Variants in SEL1L3 observed in about 807,000 individuals in gnomAD.
SEL1L3 encodes the protein SEL1L family member 3, also known as protein sel-1 homolog 3.
A neutral mutation model predicts 142.8 loss-of-function variants in SEL1L3; 76 were observed. The ratio of observed to expected loss-of-function variants is 0.53; its 90% confidence interval spans 0.44 to 0.64. The LOEUF (loss-of-function observed/expected upper bound fraction) is 0.64. Ranked by LOEUF, SEL1L3 falls within the 30% of genes least tolerant of loss-of-function variation. The pLI is 0.00. For missense variants in SEL1L3, 1,262 were observed against 1,381.7 expected, an observed-to-expected ratio of 0.91 and a Z score of 1.37; for synonymous variants, 504 against 519.6, an observed-to-expected ratio of 0.97 and a Z score of 0.41.
At chr4:25,724,753 AAAAAAAAAAAAAAAAAAAG>A in the SEL1L3 span, among the ~76,000 whole-genome samples, 67 of 107,576 alleles carry the variant, frequency 6.2e-4, 3 homozygotes, top group Admixed American at 9.9e-4. Flanking sequence ...AAAAAAAAAA[AAAAAAAAAAAAAAAAAAAG>A]GAAAAGAAAT....
intron 19 of SEL1L3, among the ~76,000 whole-genome samples, chr4:25,766,900 C>T (rs1348126499): frequency 1.3e-5 from 2 of 152,138 alleles, no homozygotes; most frequent in African/African-American, 2.4e-5. Context: ...GAGGCCAGTC[C>T]CCCACCATGC....
At chr4:25,728,877 A>T in the SEL1L3 span, among the ~76,000 whole-genome samples, 1 of 149,852 alleles carries the variant, frequency 6.7e-6, no homozygotes. Flanking sequence ...AAAAAAAAAA[A>T]AGAAAAGTAA....
intron 23 of SEL1L3, chr4:25,756,424 T>A: frequency 1.4e-5 from 14 of 985,170 alleles, no homozygotes; most frequent in Non-Finnish European, 1.6e-5. Flanking sequence ...ATATGCCAGA[T>A]AAATATAACA....
intron 11 of SEL1L3, among the ~76,000 whole-genome samples, chr4:25,798,957 C>T (rs2109212812): frequency 6.6e-6 from 1 of 152,338 alleles, no homozygotes; most frequent in East Asian, 1.9e-4. Flanking sequence ...CCGGAAGTTC[C>T]TAATGAAGGT....
the SEL1L3 span, among the ~76,000 whole-genome samples, chr4:25,726,543 A>C: frequency 6.6e-6 from 1 of 151,164 alleles, no homozygotes; most frequent in Admixed American, 6.6e-5. Flanking sequence ...AAAAAAAAAA[A>C]AACCCAAAAA....
chr4:25,824,472 A>G (rs1000175619), intron 6 of SEL1L3, among the ~76,000 whole-genome samples: 2 of 152,206 alleles, frequency 1.3e-5, no homozygotes, highest in African/African-American at 4.8e-5. Context: ...AGATGAAATA[A>G]ACTAATATGT....
chr4:25,848,601 A>G (rs1431910623), intron 1 of SEL1L3, among the ~76,000 whole-genome samples: 3 of 152,262 alleles, frequency 2.0e-5, no homozygotes, highest in African/African-American at 7.2e-5. Flanking sequence ...GAGCTCTCCT[A>G]AATATGACTT....
At chr4:25,855,010 C>T (rs1387522822) in intron 1 of SEL1L3, among the ~76,000 whole-genome samples, 1 of 152,224 alleles carries the variant, frequency 6.6e-6, no homozygotes, top group Non-Finnish European at 1.5e-5. Flanking sequence ...AGAACATGGT[C>T]TAAACCCTTC....
downstream of SEL1L3, among the ~76,000 whole-genome samples, chr4:25,744,348 C>CT (rs35155388): frequency 6.3e-3 from 643 of 101,424 alleles, 35 homozygotes; most frequent in African/African-American, 0.011. Context: ...ATGTGTGAGT[C>CT]TTTTTTTTTT....
chr4:25,794,136 G>A (rs2109200407), intron 11 of SEL1L3, among the ~76,000 whole-genome samples: 1 of 152,274 alleles, frequency 6.6e-6, no homozygotes, highest in Non-Finnish European at 1.5e-5. Flanking sequence ...ATGTGAAAAT[G>A]TCAAAAGCAA....
intron 1 of SEL1L3, among the ~76,000 whole-genome samples, chr4:25,857,435 T>C (rs986712315): frequency 4.6e-5 from 7 of 152,218 alleles, no homozygotes; most frequent in African/African-American, 1.7e-4. Context: ...CTTATTTCAT[T>C]GAGTACCTAC....
chr4:25,715,597 G>C, the SEL1L3 span, among the ~76,000 whole-genome samples: 1 of 151,978 alleles, frequency 6.6e-6, no homozygotes, highest in Non-Finnish European at 1.5e-5. Context: ...CTACACACGC[G>C]TGTGCCATGA....
At chr4:25,809,914 G>A (rs1713902745) in intron 9 of SEL1L3, among the ~76,000 whole-genome samples, 1 of 152,080 alleles carries the variant, frequency 6.6e-6, no homozygotes, top group South Asian at 2.1e-4. Flanking sequence ...AATAAACATC[G>A]CAATTGTTGG....
At chr4:25,757,662 TGG>T in intron 22 of SEL1L3, 24 bp downstream of exon 22, 1 of 1,566,956 alleles carries the variant, frequency 6.4e-7, no homozygotes, top group Non-Finnish European at 8.7e-7. Flanking sequence ...GCCACAAGGG[TGG>T]GGCCGGTGGG....
intron 6 of SEL1L3, among the ~76,000 whole-genome samples, chr4:25,824,376 C>T (rs1714961642): frequency 6.6e-6 from 1 of 152,206 alleles, no homozygotes; most frequent in Admixed American, 6.5e-5. Flanking sequence ...CACCGCCTCA[C>T]TGCCTAGAGC....
chr4:25,768,740 G>T (rs1718941913), intron 17 of SEL1L3, among the ~76,000 whole-genome samples: 1 of 151,988 alleles, frequency 6.6e-6, no homozygotes, highest in African/African-American at 2.4e-5. Flanking sequence ...TTTCAGATGT[G>T]GCCATTAAAA....
At chr4:25,740,909 C>A in the SEL1L3 span, among the ~76,000 whole-genome samples, 119 of 147,836 alleles carry the variant, frequency 8.0e-4, no homozygotes, top group Non-Finnish European at 1.5e-3. Flanking sequence ...CTCAGCCTCC[C>A]AAATATCTGA....
In SEL1L3 at chr4:25,758,945, C is replaced by T. The variant is rs200213966; in HGVS notation, c.3079G>A (p.Glu1027Lys). 76 of 1,613,436 alleles carry T rather than the reference C, an allele frequency of 4.7e-5. No individual in the cohort carries two copies. The East Asian group carries it at 6.7e-4, about 14-fold the overall frequency. Reference protein sequence around the residue: ...NNISILQELYERCWSHSNEES... With the variant: ...NNISILQELYKRCWSHSNEES... ...TTCTAGAGGCTCTGAGCTCACCTTTCGTACAGTTCCTGGAGAATGGAGATG... is the reference window on the plus strand; with the variant it reads ...TTCTAGAGGCTCTGAGCTCACCTTTTGTACAGTTCCTGGAGAATGGAGATG... Residue 1027 changes from glutamate to lysine, a missense_variant, in exon 21 of 24, where the codon GAA becomes AAA. By Grantham distance (56) the Glu-to-Lys change is moderately conservative. Around this residue, in one of 3 missense-constraint regions of SEL1L3, gnomAD observed 435 missense variants for 559.2 expected, o/e 0.78. Coordinates refer to ENST00000399878, the MANE Select transcript of SEL1L3 (RefSeq NM_015187.5).
At position 25,847,841 on chromosome 4, in the gene SEL1L3, C is replaced by A; in HGVS notation, c.186G>T (p.Arg62Ser). 1 of 1,577,980 alleles carries A rather than the reference C, an allele frequency of 6.3e-7. No homozygotes were observed. Among genetic ancestry groups the A allele is most frequent in the Non-Finnish European group, 8.6e-7 (1 of 1,164,730 alleles). The change falls in exon 2 of 24, where the codon AGG becomes AGT. Residue 62 changes from arginine (R) to serine (S), a missense_variant. Arg to Ser is a moderately radical substitution (Grantham distance 110). Transcript: ENST00000399878. ...TCACTGATGTCGTCAGGGAAGTCTG[C>A]CTACCCAAAGATGGTACAACATTCT... ...CYLNVVPSLG[R>S]QTSLTTSVIP...
Sources: gnomAD v4.1 joint callset for allele counts (sites outside exome capture counted in the v4.1 genomes callset) on GRCh38, gnomAD v4.1.1 for gene constraint, gnomAD v4.1.1 regional missense constraint, MANE v1.5 for transcripts, NCBI Gene and HGNC (gene_info 2026-07-23, HGNC 2026-07-21) for gene names.